Variants in IMPG1 observed in about 807,000 individuals in gnomAD.
IMPG1 encodes the protein interphotoreceptor matrix proteoglycan 1.
A neutral mutation model predicts 92.0 loss-of-function variants in IMPG1; 85 were observed. The ratio of observed to expected loss-of-function variants is 0.92; its 90% CI spans 0.78 to 1.11. The LOEUF (loss-of-function observed/expected upper bound fraction) is 1.11, where lower values mean the gene tolerates loss of function less well. Ranked by LOEUF, IMPG1 falls within the 50% of genes least tolerant of loss-of-function variation. The probability of loss-of-function intolerance (pLI) is 0.00; values close to 1 mark genes in which losing one functional copy is unlikely to be tolerated. For missense variants in IMPG1, 1,022 were observed against 956.0 expected (o/e 1.07, Z -0.91); for synonymous variants, 367 against 334.1 (o/e 1.10, Z -1.08).
chr6:76,033,569 A>G (rs981787954), intron 4 of IMPG1, among the ~76,000 whole-genome samples: 2 of 152,242 alleles, frequency 1.3e-5, no homozygotes, highest in Non-Finnish European at 2.9e-5. Context: ...CATTTTTCAC[A>G]GAGTATATTA....
chr6:75,982,993 A>G (rs1782654216), intron 12 of IMPG1, among the ~76,000 whole-genome samples: 1 of 152,168 alleles, frequency 6.6e-6, no homozygotes, highest in South Asian at 2.1e-4. Flanking sequence ...GAGGAAAACA[A>G]GAAAATGGGT....
intron 12 of IMPG1, among the ~76,000 whole-genome samples, chr6:75,977,124 A>C (rs1040634490): frequency 1.3e-5 from 2 of 152,186 alleles, no homozygotes; most frequent in African/African-American, 4.8e-5. Flanking sequence ...TAAAACATAC[A>C]ATAAATAATA....
chr6:75,992,771 C>T (rs1355784515), intron 12 of IMPG1, among the ~76,000 whole-genome samples: 1 of 152,162 alleles, frequency 6.6e-6, no homozygotes, highest in African/African-American at 2.4e-5. Flanking sequence ...AAACTCACTC[C>T]AGTCTCTGCA....
intron 7 of IMPG1, among the ~76,000 whole-genome samples, chr6:76,012,948 C>G (rs1783214876): frequency 6.6e-6 from 1 of 152,072 alleles, no homozygotes; most frequent in Non-Finnish European, 1.5e-5. Flanking sequence ...TCCCACCCCC[C>G]ACATGCAGCC....
chr6:76,017,125 A>G (rs1783303213), intron 7 of IMPG1, among the ~76,000 whole-genome samples: 1 of 152,014 alleles, frequency 6.6e-6, no homozygotes, highest in Non-Finnish European at 1.5e-5. Context: ...ACAAATTGGA[A>G]ATAGTTTGCA....
rs147225489 is a variant in IMPG1 at position 76,042,018 on chromosome 6, C to T, written c.176G>A (p.Arg59Gln). ...EKMYKMSTMR[R>Q]IFDLAKHRTK... ...TCGATGCTTTGCCAAATCGAATATT[C>T]GTCTCATAGTTGACATTTTGTACAT... Residue 59 changes from arginine to glutamine, a missense_variant, in exon 2 of 17, where the codon CGA (arginine) becomes CAA (glutamine). Arg to Gln is a conservative substitution (Grantham distance 43). Around this residue, in one of 3 missense-constraint regions of IMPG1, gnomAD observed 681 missense variants for 583.6 expected, o/e 1.17. Coordinates refer to ENST00000369950, the MANE Select transcript of IMPG1 (RefSeq NM_001563.4). 40 of 1,612,416 alleles carry T rather than the reference C, an allele frequency of 2.5e-5. No individual in the cohort carries two copies. In the African/African-American group the frequency reaches 2.5e-4, roughly 10 times the overall value.
chr6:75,938,314 T>C (rs1781781638), intron 14 of IMPG1, among the ~76,000 whole-genome samples: 1 of 152,210 alleles, frequency 6.6e-6, no homozygotes, highest in Admixed American at 6.5e-5. Flanking sequence ...GTTTTCAAAT[T>C]CTCTCTTCTC....
intron 1 of IMPG1, among the ~76,000 whole-genome samples, chr6:76,042,489 G>T (rs937501936): frequency 3.3e-5 from 5 of 152,030 alleles, no homozygotes; most frequent in African/African-American, 1.2e-4. Context: ...AGCAGGGAAC[G>T]ATATAGCATT....
intron 1 of IMPG1, among the ~76,000 whole-genome samples, chr6:76,060,740 G>A (rs567389545): frequency 6.6e-6 from 1 of 152,232 alleles, no homozygotes; most frequent in East Asian, 1.9e-4. Flanking sequence ...GGTACCACAA[G>A]TTCCTTCCCC....
At chr6:76,065,048 G>A (rs1002308458) in intron 1 of IMPG1, among the ~76,000 whole-genome samples, 1 of 151,726 alleles carries the variant, frequency 6.6e-6, no homozygotes, top group Non-Finnish European at 1.5e-5. Context: ...TAACTATAAT[G>A]TATATACAAC....
Position 75,987,745 on chromosome 6 carries a change from C to T in IMPG1, c.1291+15173G>A, listed in dbSNP as rs182093424. 3.0e-3 allele frequency among the ~76,000 whole-genome samples: 460 copies of T among 151,720 alleles called. 10 individuals carry two copies. In the East Asian group the frequency reaches 0.07, roughly 23 times the overall value. On this transcript the variant is annotated intron_variant, in intron 12 of 16. Coordinates refer to ENST00000369950, the MANE Select transcript of IMPG1 (RefSeq NM_001563.4). Reference sequence around the variant, plus strand: ...CTGCAAACTCCGCCTCCCGGGTTCACGCCATTCTCCTGCCTCAGCCTCCCG... The same window carrying T: ...CTGCAAACTCCGCCTCCCGGGTTCATGCCATTCTCCTGCCTCAGCCTCCCG...
chr6:75,991,467 A>C (rs937603041), intron 12 of IMPG1, among the ~76,000 whole-genome samples: 1 of 152,090 alleles, frequency 6.6e-6, no homozygotes, highest in Non-Finnish European at 1.5e-5. Flanking sequence ...ACCTCATTTG[A>C]GTCCAGATAA....
chr6:75,973,657 G>GAA (rs1782458305), intron 12 of IMPG1, among the ~76,000 whole-genome samples: 1 of 152,208 alleles, frequency 6.6e-6, no homozygotes, highest in Non-Finnish European at 1.5e-5. Context: ...GCTGGGGTTT[G>GAA]AACACAAATC....
At chr6:76,066,288 T>G (rs1784309156) in intron 1 of IMPG1, among the ~76,000 whole-genome samples, 1 of 151,866 alleles carries the variant, frequency 6.6e-6, no homozygotes, top group South Asian at 2.1e-4. Flanking sequence ...GTGAAATGGA[T>G]TAAAAAACAA....
At chr6:75,992,415 G>C (rs1039307958) in intron 12 of IMPG1, among the ~76,000 whole-genome samples, 30 of 152,120 alleles carry the variant, frequency 2.0e-4, no homozygotes, top group Non-Finnish European at 4.1e-4. Flanking sequence ...TGACCATGGG[G>C]GTGTTTCATT....
chr6:75,982,586 GAT>G lies in IMPG1; in HGVS notation c.1291+20330_1291+20331del, dbSNP rs554281613. On this transcript the variant is annotated intron_variant, in intron 12 of 16. Transcript: ENST00000369950. ...CTATATATCTATATAGATATATATA[GAT>G]ATATATATGTGTGTGTATATATATA... Among the ~76,000 whole-genome samples the G allele has an allele frequency of 3.1e-3, 457 of 145,832 alleles. 1 individual carries two copies. The highest frequency in any genetic ancestry group is 0.011 in the African/African-American group (423 of 38,330).
intron 7 of IMPG1, among the ~76,000 whole-genome samples, chr6:76,016,438 A>C (rs1009788512): frequency 6.6e-6 from 1 of 152,238 alleles, no homozygotes; most frequent in Non-Finnish European, 1.5e-5. Flanking sequence ...AATGTTAACA[A>C]ACTATTCTTT....
Position 75,948,182 on chromosome 6 carries a change from T to C in IMPG1, c.1825-649A>G, listed in dbSNP as rs142125233. Among the ~76,000 whole-genome samples the C allele has an allele frequency of 7.8e-3, 1,192 of 152,288 alleles. 17 individuals are homozygous for C. Among genetic ancestry groups the C allele is most frequent in the African/African-American group, 0.028 (1,152 of 41,558 alleles). On this transcript the variant is annotated intron_variant, in intron 13 of 16. Transcript: ENST00000369950. ...TACCTCAGGGCCCTTATCTGAATTG[T>C]GAGGAAGAACAAAAAGTGGCTCCCA... is the stretch of plus-strand genomic sequence containing the variant.
chr6:75,990,096 T>C lies in IMPG1; in HGVS notation c.1291+12822A>G, dbSNP rs111587082. ...ACAAAAACAAATAGATGTATTCATTTACTTCTCTGAAAGTGCTTTCATTTG... is the reference window on the plus strand; with the variant it reads ...ACAAAAACAAATAGATGTATTCATTCACTTCTCTGAAAGTGCTTTCATTTG... On this transcript the variant is annotated intron_variant, in intron 12 of 16. Coordinates refer to ENST00000369950, the MANE Select transcript of IMPG1 (RefSeq NM_001563.4). Among the ~76,000 whole-genome samples, 218 of 152,386 alleles carry C rather than the reference T, an allele frequency of 1.4e-3. 1 individual carries two copies. Among genetic ancestry groups the C allele is most frequent in the African/African-American group, 5.2e-3 (215 of 41,586 alleles).
Sources: allele counts gnomAD v4.1 joint callset (sites outside exome capture counted in the v4.1 genomes callset), GRCh38; gene constraint gnomAD v4.1.1; regional missense constraint gnomAD v4.1.1; transcripts MANE v1.5; gene names NCBI Gene and HGNC (gene_info 2026-07-23, HGNC 2026-07-21).